Variants in EYS observed in about 807,000 individuals in gnomAD.
EYS encodes the protein protein eyes shut homolog.
EYS carries 250 observed loss-of-function variants against 282.1 expected under a neutral mutation model. The ratio of observed to expected loss-of-function variants is 0.89; its 90% confidence interval spans 0.80 to 0.98. The LOEUF is 0.98. Ranked by LOEUF, EYS falls within the 50% of genes least tolerant of loss-of-function variation. EYS has a pLI of 0.00. For missense variants in EYS, 4,016 were observed against 3,709.0 expected, an observed-to-expected ratio of 1.08 and a Z score of -2.15; for synonymous variants, 1,355 against 1,282.9, an observed-to-expected ratio of 1.06 and a Z score of -1.20.
At chr6:64,549,940 T>C (rs897152927) in intron 26 of EYS, among the ~76,000 whole-genome samples, 11 of 152,002 alleles carry the variant, frequency 7.2e-5, no homozygotes, top group Admixed American at 3.9e-4. Context: ...CCTGTGTCCA[T>C]GTATTCTCAT....
At chr6:64,777,438 A>G (rs1773714315) in intron 22 of EYS, among the ~76,000 whole-genome samples, 1 of 152,156 alleles carries the variant, frequency 6.6e-6, no homozygotes. Context: ...AAAGGACAAA[A>G]AAATAAGGTA....
At chr6:63,792,651 A>G (rs140553732) in intron 37 of EYS, among the ~76,000 whole-genome samples, 1,809 of 152,158 alleles carry the variant, frequency 0.012, 31 homozygotes, top group African/African-American at 0.042. Context: ...TACCACTTGC[A>G]TGAGAATCTT....
At chr6:65,083,399 A>G (rs967946346) in intron 12 of EYS, among the ~76,000 whole-genome samples, 2 of 152,054 alleles carry the variant, frequency 1.3e-5, no homozygotes, top group African/African-American at 4.8e-5. Context: ...ATAAAAATCT[A>G]TAGGTAGCAT....
intron 31 of EYS, among the ~76,000 whole-genome samples, chr6:64,102,552 T>A (rs1772865908): frequency 6.6e-6 from 1 of 152,146 alleles, no homozygotes; most frequent in South Asian, 2.1e-4. Flanking sequence ...ATAGCCATTG[T>A]TTATGATAAA....
chr6:64,877,383 A>G (rs1231793391), intron 19 of EYS, among the ~76,000 whole-genome samples: 2 of 152,190 alleles, frequency 1.3e-5, no homozygotes, highest in East Asian at 3.8e-4. Context: ...AAAGATTCAT[A>G]GAACATATTT....
intron 12 of EYS, among the ~76,000 whole-genome samples, chr6:65,294,170 G>A (rs1021550890): frequency 1.1e-4 from 17 of 151,930 alleles, no homozygotes; most frequent in Middle Eastern, 3.4e-3. Flanking sequence ...AAGGGGGCTG[G>A]AGAGAAAGAG....
At chr6:65,594,669 T>C (rs1175588695) in intron 2 of EYS, among the ~76,000 whole-genome samples, 1 of 152,156 alleles carries the variant, frequency 6.6e-6, no homozygotes. Flanking sequence ...TTGGTTTAAT[T>C]AGATTCCCTT....
chr6:63,757,014 A>T (rs1047267959), intron 41 of EYS, among the ~76,000 whole-genome samples: 4 of 152,162 alleles, frequency 2.6e-5, no homozygotes, highest in African/African-American at 9.7e-5. Context: ...GTGCACCTTG[A>T]AAAAGAACAG....
At chr6:65,160,686 G>T in intron 12 of EYS, among the ~76,000 whole-genome samples, 1 of 150,616 alleles carries the variant, frequency 6.6e-6, no homozygotes, top group Non-Finnish European at 1.5e-5. Context: ...GTTAAAGATG[G>T]CATTTGAATA....
At chr6:65,015,235 A>T (rs1772003496) in intron 13 of EYS, among the ~76,000 whole-genome samples, 1 of 152,240 alleles carries the variant, frequency 6.6e-6, no homozygotes. Flanking sequence ...TGCCAGTTAA[A>T]TTCTGATAAA....
intron 30 of EYS, among the ~76,000 whole-genome samples, chr6:64,289,698 C>T (rs938848396): frequency 4.6e-5 from 7 of 151,810 alleles, no homozygotes; most frequent in South Asian, 2.1e-4. Context: ...AGTACCTAGA[C>T]GATAATCTGA....
chr6:64,280,150 T>C (rs746140434), intron 30 of EYS, among the ~76,000 whole-genome samples: 3 of 152,220 alleles, frequency 2.0e-5, no homozygotes, highest in African/African-American at 7.2e-5. Context: ...AATGTAAGCA[T>C]GTATTCTTAA....
At chr6:65,434,351 C>G (rs567763872) in intron 5 of EYS, among the ~76,000 whole-genome samples, 33 of 149,422 alleles carry the variant, frequency 2.2e-4, no homozygotes, top group South Asian at 6.3e-4. Flanking sequence ...GACGGAGTCT[C>G]GCTCTGTTGC....
chr6:65,700,309 A>T (rs1311215711), intron 1 of EYS, among the ~76,000 whole-genome samples: 1 of 151,914 alleles, frequency 6.6e-6, no homozygotes, highest in Non-Finnish European at 1.5e-5. Context: ...CGTGACAGTG[A>T]CATGGAAAAA....
At chr6:65,306,838 A>AAG (rs1769021909) in intron 11 of EYS, among the ~76,000 whole-genome samples, 1 of 86,094 alleles carries the variant, frequency 1.2e-5, no homozygotes, top group African/African-American at 7.4e-5. Flanking sequence ...GTCTCAAAAA[A>AAG]AAAAAAAAAA....
At chr6:65,034,715 T>C (rs946209479) in intron 13 of EYS, among the ~76,000 whole-genome samples, 2 of 152,132 alleles carry the variant, frequency 1.3e-5, no homozygotes, top group Non-Finnish European at 2.9e-5. Context: ...AATTGTGAGC[T>C]AGTTAAACTT....
At chr6:64,224,462 C>A (rs897661720) in intron 31 of EYS, among the ~76,000 whole-genome samples, 1 of 152,046 alleles carries the variant, frequency 6.6e-6, no homozygotes, top group Non-Finnish European at 1.5e-5. Context: ...ATGAATCACA[C>A]CTGAATTTCC....
chr6:65,048,131 C>CCATAA (rs1313536742), intron 13 of EYS, among the ~76,000 whole-genome samples: 3 of 151,864 alleles, frequency 2.0e-5, no homozygotes, highest in Non-Finnish European at 4.4e-5. Context: ...CTCTTAAGCC[C>CCATAA]CATAACATTT....
intron 12 of EYS, among the ~76,000 whole-genome samples, chr6:65,077,112 T>A (rs753576944): frequency 6.6e-6 from 1 of 152,062 alleles, no homozygotes; most frequent in Non-Finnish European, 1.5e-5. Context: ...GTGGAAGCAG[T>A]ATAGTCTCAT....
Sources: allele counts gnomAD v4.1 joint callset (sites outside exome capture counted in the v4.1 genomes callset), GRCh38; gene constraint gnomAD v4.1.1; transcripts MANE v1.5; gene names NCBI Gene and HGNC (gene_info 2026-07-23, HGNC 2026-07-21).